Variants in DERA observed in about 807,000 individuals in gnomAD.
DERA encodes 2-deoxy-D-ribose 5-phosphate aldolase.
A neutral mutation model predicts 41.1 loss-of-function variants in DERA; 15 were observed. The observed-to-expected ratio is 0.37, with a 90% CI of 0.24 to 0.56. The LOEUF is 0.56. DERA is among the 20% of genes least tolerant of loss of function. The pLI, the probability that DERA is intolerant of heterozygous loss-of-function variation, is 0.81. For synonymous variants in DERA, 139 were observed against 137.4 expected, an observed-to-expected ratio of 1.01 and a Z score of -0.08; for missense variants, 396 against 403.4, an observed-to-expected ratio of 0.98 and a Z score of 0.16.
At chr12:15,949,748 AC>A (rs1200720680) in intron 1 of DERA, among the ~76,000 whole-genome samples, 1 of 152,014 alleles carries the variant, frequency 6.6e-6, no homozygotes, top group African/African-American at 2.4e-5. Flanking sequence ...TGAACCCGGT[AC>A]CTCAGTTGGA....
rs1948941158 is a variant in DERA at position 16,010,616 on chromosome 12, T to A, written c.638-21926T>A. ...ACAGAATTTTAATGTGAAAATTGTTTATGAACAGAAGGAGAGAGGCTGCAT... is the reference window on the plus strand; with the variant it reads ...ACAGAATTTTAATGTGAAAATTGTTAATGAACAGAAGGAGAGAGGCTGCAT... On this transcript the variant is annotated intron_variant, in intron 6 of 8. Coordinates refer to ENST00000428559, the MANE Select transcript of DERA (RefSeq NM_015954.4). The surrounding 1 kb of genome is among the most constrained non-coding windows in gnomAD (Gnocchi z 5.5). 6.6e-6 allele frequency among the ~76,000 whole-genome samples: 1 copy of A among 152,048 alleles called. No homozygotes were observed. The highest frequency in any genetic ancestry group is 6.6e-5 in the Admixed American group (1 of 15,266).
chr12:15,938,622 G>A lies in DERA; in HGVS notation c.32-18314G>A, dbSNP rs1358879977. On this transcript the variant is annotated intron_variant, in intron 1 of 8. Transcript: ENST00000428559. The surrounding 1 kb of genome is among the most constrained non-coding windows in gnomAD (Gnocchi z 4.1). ...AATTGAGAAAATATTTTCTCTATAA[G>A]TGTTGAGATACTTGGTAAATTTAGC... Among the ~76,000 whole-genome samples the A allele has an allele frequency of 6.6e-6, 1 of 152,140 alleles. No individual in the cohort carries two copies. Among genetic ancestry groups the A allele is most frequent in the Non-Finnish European group, 1.5e-5 (1 of 68,030 alleles).
At chr12:15,939,153 A>G (rs527742722) in intron 1 of DERA, among the ~76,000 whole-genome samples, 1 of 152,314 alleles carries the variant, frequency 6.6e-6, no homozygotes, top group South Asian at 2.1e-4. Flanking sequence ...TGAGGACTAC[A>G]TGGAGAGAAA....
Position 15,928,067 on chromosome 12 carries a change from A to G in DERA, c.31+16653A>G, listed in dbSNP as rs1464226362. On this transcript the variant is annotated intron_variant, in intron 1 of 8. Transcript: ENST00000428559. The surrounding 1 kb of genome is among the most constrained non-coding windows in gnomAD (Gnocchi z 4.6). ...GGGATACAATGTAATATTTTGATAC[A>G]TGTATACAATGTGAAATGATTAAAT... 6.6e-6 allele frequency among the ~76,000 whole-genome samples: 1 copy of G among 152,240 alleles called. No individual in the cohort carries two copies. The highest frequency in any genetic ancestry group is 1.9e-4 in the East Asian group (1 of 5,196).
intron 1 of DERA, among the ~76,000 whole-genome samples, chr12:15,933,438 TC>T (rs1948343957): frequency 6.6e-6 from 1 of 152,226 alleles, no homozygotes; most frequent in African/African-American, 2.4e-5. Flanking sequence ...ATTAATTTTT[TC>T]CTCCTAGATT....
intron 4 of DERA, among the ~76,000 whole-genome samples, chr12:15,960,645 A>AAAC (rs1262247163): frequency 4.8e-4 from 72 of 148,510 alleles, no homozygotes; most frequent in Non-Finnish European, 7.7e-4. Flanking sequence ...TCAAAAAAAA[A>AAAC]AAAAAAAAAA....
rs1162714047 is a variant in DERA, at chr12:15,992,247, AG to A, written c.637+9812del. ...AAGATAGAGATAAGGAAAAGTGAAA[AG>A]AAGCAAAAAGAAATTTGAAAATTTA... On this transcript the variant is annotated intron_variant, in intron 6 of 8. Coordinates refer to ENST00000428559, the MANE Select transcript of DERA (RefSeq NM_015954.4). This position sits in a 1 kb window ranked among gnomAD's most constrained non-coding sequence, Gnocchi z 4.3. Among the ~76,000 whole-genome samples, 1 of 152,172 alleles carries A rather than the reference AG, an allele frequency of 6.6e-6. No individual in the cohort carries two copies.
chr12:16,032,548 A>G lies in DERA; in HGVS notation c.644A>G (p.Asp215Gly), dbSNP rs202160738. 6 of 1,500,024 alleles carry G rather than the reference A, an allele frequency of 4.0e-6. No homozygotes were observed. Among genetic ancestry groups the G allele is most frequent in the Non-Finnish European group, 5.3e-6 (6 of 1,125,006 alleles). The allele number at this position is 1,500,024 out of a possible 1,614,324, so 92.9% of individuals were successfully genotyped here. ...TTTCCTCTTTTTGTTTTAGGATCAG[A>G]TTTTATTAAGACCTCTACTGGAAAA... is the stretch of plus-strand genomic sequence containing the variant. ...ASMIAMMAGS[D>G]FIKTSTGKET... The change falls in exon 7 of 9, where the codon GAT (aspartate) becomes GGT (glycine). Residue 215 changes from aspartate (D) to glycine (G), a missense_variant. Transcript: ENST00000428559.
chr12:15,988,577 G>A lies in DERA; in HGVS notation c.637+6141G>A, dbSNP rs895786037. 2.2e-4 allele frequency among the ~76,000 whole-genome samples: 33 copies of A among 152,278 alleles called. No individual in the cohort carries two copies. The highest frequency in any genetic ancestry group is 3.3e-4 in the Admixed American group (5 of 15,304). On this transcript the variant is annotated intron_variant, in intron 6 of 8. Transcript: ENST00000428559. This position sits in a 1 kb window ranked among gnomAD's most constrained non-coding sequence, Gnocchi z 6.0. ...AGGAAGTGCATGCTGATTGGTCCAT[G>A]GGCGGCCATGGATGGGCCTGGAAAA...
chr12:15,942,260 C>T (rs952112185), intron 1 of DERA, among the ~76,000 whole-genome samples: 1 of 152,042 alleles, frequency 6.6e-6, no homozygotes, highest in Non-Finnish European at 1.5e-5. Context: ...ATTCTGAATG[C>T]TATTCTTTTG....
rs148339712 is a variant in DERA, at chr12:16,013,763, T to C, written c.638-18779T>C. ...GGGCTCAGAAGAAGACAGGAAGATG[T>C]GGGAAAATTTGGAACTTCCTAGAGA... On this transcript the variant is annotated intron_variant, in intron 6 of 8. Transcript: ENST00000428559. The surrounding 1 kb of genome is among the most constrained non-coding windows in gnomAD (Gnocchi z 5.8). Among the ~76,000 whole-genome samples, 20 of 152,272 alleles carry C rather than the reference T, an allele frequency of 1.3e-4. No individual in the cohort carries two copies. The East Asian group carries it at 3.9e-3, about 29-fold the overall frequency.
rs1332556545 is a variant in DERA, at chr12:15,976,113, A to G, written c.509-6195A>G. Among the ~76,000 whole-genome samples the G allele has an allele frequency of 6.6e-6, 1 of 152,190 alleles. No individual in the cohort carries two copies. Among genetic ancestry groups the G allele is most frequent in the African/African-American group, 2.4e-5 (1 of 41,426 alleles). On this transcript the variant is annotated intron_variant, in intron 5 of 8. Transcript: ENST00000428559. The surrounding 1 kb of genome is among the most constrained non-coding windows in gnomAD (Gnocchi z 4.1). ...GTCTTAGAACTTACAACTTCACACT[A>G]TAACCTCTATTACACTCCAGCATTG...
At chr12:15,944,727 A>C (rs1000085207) in intron 1 of DERA, among the ~76,000 whole-genome samples, 38 of 152,262 alleles carry the variant, frequency 2.5e-4, no homozygotes, top group African/African-American at 8.4e-4. Flanking sequence ...GAAGCTCTTT[A>C]GTTTAATTAG....
chr12:15,960,938 G>A (rs1330228394), intron 4 of DERA, among the ~76,000 whole-genome samples: 1 of 152,218 alleles, frequency 6.6e-6, no homozygotes, highest in Admixed American at 6.5e-5. Context: ...GGGCAAAGGG[G>A]GAGATACAGG....
intron 4 of DERA, among the ~76,000 whole-genome samples, chr12:15,961,000 C>T (rs1948583742): frequency 6.6e-6 from 1 of 152,130 alleles, no homozygotes; most frequent in Non-Finnish European, 1.5e-5. Context: ...GGATCCATGC[C>T]ATGTGGGGGC....
rs967661585 is a variant in DERA, at chr12:16,026,223, T to A, written c.638-6319T>A. ...ATTGAAAACAAAAACAACAGAGAAATTTTTTTTTTTAAATATCCTAAAAGC... is the reference window on the plus strand; with the variant it reads ...ATTGAAAACAAAAACAACAGAGAAAATTTTTTTTTTAAATATCCTAAAAGC... On this transcript the variant is annotated intron_variant, in intron 6 of 8. Coordinates refer to ENST00000428559, the MANE Select transcript of DERA (RefSeq NM_015954.4). This position sits in a 1 kb window ranked among gnomAD's most constrained non-coding sequence, Gnocchi z 4.4. Among the ~76,000 whole-genome samples, 9 of 148,468 alleles carry A rather than the reference T, an allele frequency of 6.1e-5. No homozygotes were observed. The highest frequency in any genetic ancestry group is 2.1e-4 in the South Asian group (1 of 4,688).
intron 6 of DERA, among the ~76,000 whole-genome samples, chr12:16,006,754 T>C (rs1293732440): frequency 1.3e-5 from 2 of 152,254 alleles, no homozygotes; most frequent in African/African-American, 4.8e-5. Flanking sequence ...GCACATAGCC[T>C]AGAACATGGT....
At position 15,911,344 on chromosome 12, in the gene DERA, CG is replaced by C; in HGVS notation, c.-37del. 1 of 1,434,360 alleles carries C rather than the reference CG, an allele frequency of 7.0e-7. No individual in the cohort carries two copies. The highest frequency in any genetic ancestry group is 9.1e-7 in the Non-Finnish European group (1 of 1,102,264). The allele number at this position is 1,434,360 out of a possible 1,614,324, so 88.9% of individuals were successfully genotyped here. A position where few individuals can be genotyped will look rare whatever the true frequency, so the allele number is the denominator to read the frequency against. On this transcript the variant is annotated 5_prime_UTR_variant, in exon 1 of 9. Coordinates refer to ENST00000428559, the MANE Select transcript of DERA (RefSeq NM_015954.4). The surrounding 1 kb of genome is among the most constrained non-coding windows in gnomAD (Gnocchi z 4.5). ...GGAAGGGCCGGGCGCGGCGCAGAGG[CG>C]GGCGCCTACCAGCCGGCAGCTCCGG...
Position 15,966,376 on chromosome 12 carries a change from A to C in DERA, c.508+3429A>C, listed in dbSNP as rs1238502563. 6.6e-6 allele frequency among the ~76,000 whole-genome samples: 1 copy of C among 151,976 alleles called. No homozygotes were observed. The highest frequency in any genetic ancestry group is 1.5e-5 in the Non-Finnish European group (1 of 67,988). On this transcript the variant is annotated intron_variant, in intron 5 of 8. Coordinates refer to ENST00000428559, the MANE Select transcript of DERA (RefSeq NM_015954.4). This position sits in a 1 kb window ranked among gnomAD's most constrained non-coding sequence, Gnocchi z 5.1. ...CTACTCTGGAGGCTGAGGTGAGCGA[A>C]TTGCTTGAACCTGGGAGGCAGAGGT... is the stretch of plus-strand genomic sequence containing the variant.
Sources: gnomAD v4.1 joint callset for allele counts (sites outside exome capture counted in the v4.1 genomes callset) on GRCh38, gnomAD v4.1.1 for gene constraint, Gnocchi (gnomAD v3.1) non-coding constraint, MANE v1.5 for transcripts, NCBI Gene and HGNC (gene_info 2026-07-23, HGNC 2026-07-21) for gene names.